Variants in PDCD6IP observed in about 807,000 individuals in gnomAD.
PDCD6IP encodes the protein programmed cell death 6 interacting protein.
PDCD6IP carries 43 observed loss-of-function variants against 103.7 expected under a neutral mutation model. The ratio of observed to expected loss-of-function variants is 0.41; its 90% CI spans 0.32 to 0.53. The LOEUF is 0.53. PDCD6IP is among the 20% of genes least tolerant of loss of function. PDCD6IP has a pLI of 0.16. For missense variants in PDCD6IP, 871 were observed against 1,036.7 expected, an observed-to-expected ratio of 0.84 and a Z score of 2.20; for synonymous variants, 354 against 378.7, an observed-to-expected ratio of 0.93 and a Z score of 0.76.
rs573111414 is a variant in PDCD6IP at position 33,826,962 on chromosome 3, T to C, written c.717+382T>C. ...CACACTTTTAATTATTGTCCTGTTT[T>C]CTTAAAGATGAGCCTTAAAGCGCAA... is the stretch of plus-strand genomic sequence containing the variant. On this transcript the variant is annotated intron_variant, in intron 6 of 17. Coordinates refer to ENST00000307296, the MANE Select transcript of PDCD6IP (RefSeq NM_013374.6). The C allele has an allele frequency of 6.1e-5, 61 of 996,786 alleles. 1 individual carries two copies. The South Asian group carries it at 2.4e-3, about 40-fold the overall frequency. The allele number at this position is 996,786 out of a possible 1,614,324, so 61.7% of individuals were successfully genotyped here.
chr3:33,852,680 A>G lies in PDCD6IP; in HGVS notation c.1834A>G (p.Thr612Ala), dbSNP rs767108673. The change falls in exon 13 of 18, where the codon ACA (threonine) becomes GCA (alanine). Residue 612 changes from threonine to alanine, a missense_variant. Coordinates refer to ENST00000307296, the MANE Select transcript of PDCD6IP (RefSeq NM_013374.6). Reference protein sequence around the residue: ...TELDRVYGGLTTKVQESLKKQ... With the variant: ...TELDRVYGGLATKVQESLKKQ... ...ACTAGATCGAGTCTATGGAGGTCTT[A>G]CAACTAAAGTCCAAGAATCTCTAAA... 1.4e-5 allele frequency: 22 copies of G among 1,583,716 alleles called. No homozygotes were observed. The South Asian group carries it at 2.3e-4, about 17-fold the overall frequency.
Position 33,813,639 on chromosome 3 carries a change from T to G in PDCD6IP, c.334+11T>G. The G allele has an allele frequency of 6.6e-7, 1 of 1,524,698 alleles. No individual in the cohort carries two copies. Among genetic ancestry groups the G allele is most frequent in the African/African-American group, 1.4e-5 (1 of 73,154 alleles). 94.4% of individuals were successfully genotyped at this position (1,524,698 alleles called of 1,614,324 possible). A position where few individuals can be genotyped will look rare whatever the true frequency, so the allele number is the denominator to read the frequency against. ...GCTCTGTAAAACTGGGTATGTAATT[T>G]TTAATAAAAGTGATAGGAAAATTGG... On this transcript the variant is annotated intron_variant, in intron 3 of 17. Coordinates refer to ENST00000307296, the MANE Select transcript of PDCD6IP (RefSeq NM_013374.6).
intron 7 of PDCD6IP, chr3:33,835,372 C>T: frequency 2.2e-6 from 1 of 447,890 alleles, no homozygotes; most frequent in East Asian, 7.0e-5. Context: ...TTCAGTTCTC[C>T]ATGAGGGCCT....
intron 17 of PDCD6IP, among the ~76,000 whole-genome samples, chr3:33,865,637 T>C (rs1020314917): frequency 2.0e-5 from 3 of 152,264 alleles, no homozygotes; most frequent in Non-Finnish European, 4.4e-5. Flanking sequence ...ATTTATGTTT[T>C]TATATTTTAC....
rs1277521254 is a variant in PDCD6IP, at chr3:33,859,578, G to GA, written c.2120+4326dup. Among the ~76,000 whole-genome samples the GA allele has an allele frequency of 9.2e-5, 14 of 151,672 alleles. 1 individual carries two copies. The highest frequency in any genetic ancestry group is 4.2e-4 in the South Asian group (2 of 4,802). On this transcript the variant is annotated intron_variant, in intron 15 of 17. Transcript: ENST00000307296. ...AAATACAAATGGCTCTTAAATAAAT[G>GA]AAAAAAAATGAATACCCTCATTCAT...
chr3:33,866,494 C>T lies in PDCD6IP; in HGVS notation c.2576C>T (p.Pro859Leu). 6.2e-7 allele frequency: 1 copy of T among 1,610,832 alleles called. No homozygotes were observed. Among genetic ancestry groups the T allele is most frequent in the Non-Finnish European group, 8.5e-7 (1 of 1,178,930 alleles). Residue 859 changes from proline to leucine, a missense_variant, in exon 18 of 18, where the codon CCC becomes CTC. Transcript: ENST00000307296. ...PQQPSYPFPQ[P>L]PQQSYYPQQ is the part of the protein sequence containing the mutation. ...CAGCCTTCATACCCCTTCCCTCAGC[C>T]CCCACAGCAGTCTTACTATCCACAG...
chr3:33,836,442 A>G (rs1244758857), intron 8 of PDCD6IP, among the ~76,000 whole-genome samples, 176 bp downstream of exon 8: 1 of 152,256 alleles, frequency 6.6e-6, no homozygotes, highest in Non-Finnish European at 1.5e-5. Context: ...TGGAAAGTAA[A>G]CAATAATAAA....
rs78122872 is a variant in PDCD6IP, at chr3:33,856,369, G to A, written c.2120+1109G>A. On this transcript the variant is annotated intron_variant, in intron 15 of 17. Coordinates refer to ENST00000307296, the MANE Select transcript of PDCD6IP (RefSeq NM_013374.6). ...AGAAGTAGAAGGGAAGAATAAAACC[G>A]TGACATGGGAAAGAGCACAAAGGGC... is the stretch of plus-strand genomic sequence containing the variant. Among the ~76,000 whole-genome samples the A allele has an allele frequency of 6.4e-4, 98 of 152,002 alleles. No individual in the cohort carries two copies. In the East Asian group the frequency reaches 0.014, roughly 21 times the overall value.
At chr3:33,804,954 C>G (rs1039121675) in intron 1 of PDCD6IP, among the ~76,000 whole-genome samples, 3 of 152,172 alleles carry the variant, frequency 2.0e-5, no homozygotes, top group African/African-American at 7.2e-5. Flanking sequence ...GTTGCACATC[C>G]CTAAATACAG....
At chr3:33,859,891 A>G (rs1023500249) in intron 15 of PDCD6IP, among the ~76,000 whole-genome samples, 4 of 152,210 alleles carry the variant, frequency 2.6e-5, no homozygotes, top group African/African-American at 9.6e-5. Context: ...TCATTTCTAC[A>G]TTGCAAATAG....
intron 6 of PDCD6IP, 75 bp downstream of exon 6, chr3:33,826,655 A>G (rs1240716290): frequency 1.3e-6 from 2 of 1,572,834 alleles, no homozygotes; most frequent in Non-Finnish European, 1.7e-6. Context: ...ATAAGAAGCA[A>G]GTTGAAACTT....
chr3:33,866,367 A>G lies in PDCD6IP; in HGVS notation c.2449A>G (p.Met817Val), dbSNP rs1271683020. ...TTCTATCAGGTATTGCCAAATGCCCATGCCCATGGGCTATAATCCTTATGC... is the reference window on the plus strand; with the variant it reads ...TTCTATCAGGTATTGCCAAATGCCCGTGCCCATGGGCTATAATCCTTATGC... ...PGYPGYCQMP[M>V]PMGYNPYAYG... The change falls in exon 18 of 18, where the codon ATG becomes GTG. Residue 817 changes from methionine to valine, a missense_variant. Met to Val is a conservative substitution (Grantham distance 21, BLOSUM62 1). Around this residue, in one of 5 missense-constraint regions of PDCD6IP, gnomAD observed 202 missense variants for 205.2 expected, o/e 0.98. Coordinates refer to ENST00000307296, the MANE Select transcript of PDCD6IP (RefSeq NM_013374.6). 2 of 1,559,666 alleles carry G rather than the reference A, an allele frequency of 1.3e-6. No homozygotes were observed. Among genetic ancestry groups the G allele is most frequent in the African/African-American group, 1.4e-5 (1 of 72,296 alleles).
intron 12 of PDCD6IP, among the ~76,000 whole-genome samples, chr3:33,846,293 T>A (rs1224209310): frequency 2.0e-5 from 3 of 152,350 alleles, no homozygotes; most frequent in East Asian, 3.9e-4. Flanking sequence ...TTGAGTTTTG[T>A]TCCTTATTTG....
intron 4 of PDCD6IP, among the ~76,000 whole-genome samples, chr3:33,823,475 T>TGGCAAATA (rs1459721342): frequency 6.6e-6 from 1 of 152,214 alleles, no homozygotes; most frequent in Non-Finnish European, 1.5e-5. Flanking sequence ...AGGCTATACA[T>TGGCAAATA]GGCAAATATT....
At chr3:33,800,119 CAAAAA>C (rs1173163869) in intron 1 of PDCD6IP, among the ~76,000 whole-genome samples, 17,651 of 48,954 alleles carry the variant, frequency 0.36, 989 homozygotes, top group East Asian at 0.48. Context: ...GACTCCATCT[CAAAAA>C]AAAAAAAAAA....
At chr3:33,817,551 C>T (rs1696881799) in intron 3 of PDCD6IP, among the ~76,000 whole-genome samples, 1 of 151,908 alleles carries the variant, frequency 6.6e-6, no homozygotes, top group South Asian at 2.1e-4. Context: ...CCCAGGAGTA[C>T]AAGACCAGCT....
chr3:33,857,467 G>A (rs966199441), intron 15 of PDCD6IP, among the ~76,000 whole-genome samples: 4 of 152,154 alleles, frequency 2.6e-5, no homozygotes, highest in Non-Finnish European at 5.9e-5. Flanking sequence ...AAAAAGATGA[G>A]TATTCTCCAT....
chr3:33,798,644 T>C lies in PDCD6IP; in HGVS notation c.-85T>C, dbSNP rs1282229777. ...GTCTGTCAGCCAGTCAGTCCGCCAGTCCGCCAGCCCAGTACCTCTCTCTCC... is the reference window on the plus strand; with the variant it reads ...GTCTGTCAGCCAGTCAGTCCGCCAGCCCGCCAGCCCAGTACCTCTCTCTCC... On this transcript the variant is annotated 5_prime_UTR_variant, in exon 1 of 18. Transcript: ENST00000307296. 4.7e-6 allele frequency: 6 copies of C among 1,270,890 alleles called. No homozygotes were observed. The highest frequency in any genetic ancestry group is 1.7e-5 in the South Asian group (1 of 59,822). 78.7% of individuals were successfully genotyped at this position (1,270,890 alleles called of 1,614,324 possible).
chr3:33,825,408 TTAGAA>T (rs1697098212), intron 5 of PDCD6IP, 68 bp downstream of exon 5: 2 of 1,340,858 alleles, frequency 1.5e-6, no homozygotes, highest in African/African-American at 1.5e-5. Flanking sequence ...AAGAAAGTGA[TTAGAA>T]TATAATATGT....
Sources: gnomAD v4.1 joint callset for allele counts (sites outside exome capture counted in the v4.1 genomes callset) on GRCh38, gnomAD v4.1.1 for gene constraint, gnomAD v4.1.1 regional missense constraint, MANE v1.5 for transcripts, NCBI Gene and HGNC (gene_info 2026-07-23, HGNC 2026-07-21) for gene names.